The following RETREG2 variants were observed in gnomAD, a reference collection of about 807,000 sequenced individuals.
The protein encoded by RETREG2 is reticulophagy regulator 2.
In RETREG2, 21 loss-of-function variants were observed where a neutral mutation model predicts 51.6. The ratio of observed to expected loss-of-function variants is 0.41; its 90% CI spans 0.29 to 0.59. The LOEUF is 0.59. RETREG2 is among the 20% of genes least tolerant of loss of function. The probability of loss-of-function intolerance (pLI) is 0.34; values close to 1 mark genes in which losing one functional copy is unlikely to be tolerated. For missense variants in RETREG2, 674 were observed against 646.0 expected (o/e 1.04, Z -0.47); for synonymous variants, 339 against 288.6 (o/e 1.17, Z -1.77).
Position 219,182,580 on chromosome 2 carries a change from A to T in RETREG2, c.1583A>T (p.His528Leu). 1 of 1,614,180 alleles carries T rather than the reference A, an allele frequency of 6.2e-7. No individual in the cohort carries two copies. The highest frequency in any genetic ancestry group is 8.5e-7 in the Non-Finnish European group (1 of 1,180,034). Residue 528 changes from histidine to leucine, a missense_variant, in exon 9 of 9, where the codon CAT becomes CTT. Transcript: ENST00000430297. The stretch of plus-strand genomic sequence containing the variant: ...GCTCCACCCCTGGGGCCCGACATCC[A>T]TTCTCTGGTACAGTCAGACCAAGAA... ...PDAPPLGPDIHSLVQSDQEAQ... is the reference protein window; with the variant it reads ...PDAPPLGPDILSLVQSDQEAQ...
chr2:219,182,374 C>T lies in RETREG2; in HGVS notation c.1377C>T (p.Asp459=), dbSNP rs369004071. The T allele has an allele frequency of 1.2e-6, 2 of 1,614,020 alleles. No homozygotes were observed. Among genetic ancestry groups the T allele is most frequent in the African/African-American group, 2.7e-5 (2 of 74,970 alleles). The change falls in exon 9 of 9, where the codon GAC becomes GAT. Residue 459 remains aspartate, a synonymous_variant. Coordinates refer to ENST00000430297, the MANE Select transcript of RETREG2 (RefSeq NM_024293.6). ...CTCCACTTTGCCTTGTTGGAAGTGACCCAGCCCCCTCCCCTTCCATTCTCC... is the reference window on the plus strand; with the variant it reads ...CTCCACTTTGCCTTGTTGGAAGTGATCCAGCCCCCTCCCCTTCCATTCTCC... The part of the protein sequence containing the change: ...LSPPLCLVGS[D]PAPSPSILPP...
At position 219,184,426 on chromosome 2, in the gene RETREG2, G is replaced by T. The variant is rs1291425155; in HGVS notation, c.*1797G>T. 2 of 152,100 alleles carry T rather than the reference G, an allele frequency of 1.3e-5. No individual in the cohort carries two copies. The highest frequency in any genetic ancestry group is 2.4e-5 in the African/African-American group (1 of 41,416). 9.4% of individuals were successfully genotyped at this position (152,100 alleles called of 1,614,324 possible). A position where few individuals can be genotyped will look rare whatever the true frequency, so the allele number is the denominator to read the frequency against. On this transcript the variant is annotated 3_prime_UTR_variant, in exon 9 of 9. Coordinates refer to ENST00000430297, the MANE Select transcript of RETREG2 (RefSeq NM_024293.6). ...TGGCTGTCTGCTGGAGGTACCATAT[G>T]GTAATGCTGCCTGTCTTTCTGAGGT...
chr2:219,179,661 CTA>C (rs1950247683), intron 2 of RETREG2, 70 bp from the exon 3 acceptor site: 1 of 1,460,082 alleles, frequency 6.8e-7, no homozygotes, highest in South Asian at 1.1e-5. Flanking sequence ...GGAGGGACAA[CTA>C]TTTCTGCCTT....
intron 5 of RETREG2, 152 bp downstream of exon 5, chr2:219,180,906 C>T (rs918532239): frequency 4.4e-6 from 6 of 1,350,892 alleles, no homozygotes; most frequent in Admixed American, 3.7e-5. Context: ...GGAAGACTTA[C>T]CTGGGGAGGA....
At position 219,178,925 on chromosome 2, in the gene RETREG2, G is replaced by A. The variant is rs1950232892; in HGVS notation, c.285G>A (p.Leu95=). The A allele has an allele frequency of 8.1e-6, 13 of 1,610,734 alleles. No homozygotes were observed. The highest frequency in any genetic ancestry group is 1.1e-5 in the Non-Finnish European group (13 of 1,177,422). ...TAAALNGLFW[L]LSSSSLRPFF... ...GAGGTGCCTGTCTCTCCCTAAGGTTGCTGTCTTCCTCGTCCCTCCGGCCCT... is the reference window on the plus strand; with the variant it reads ...GAGGTGCCTGTCTCTCCCTAAGGTTACTGTCTTCCTCGTCCCTCCGGCCCT... The change falls in exon 2 of 9, where the codon TTG becomes TTA. Residue 95 remains leucine (L), a synonymous_variant. Transcript: ENST00000430297.
At chr2:219,181,875 C>G in intron 8 of RETREG2, 100 bp downstream of exon 8, 1 of 1,559,526 alleles carries the variant, frequency 6.4e-7, no homozygotes, top group Non-Finnish European at 8.7e-7. Context: ...CTCTAATTCT[C>G]TCAGCTCCTA....
intron 2 of RETREG2, 88 bp from the exon 3 acceptor site, chr2:219,179,645 T>A: frequency 2.3e-6 from 3 of 1,294,918 alleles, no homozygotes; most frequent in Non-Finnish European, 3.4e-6. Context: ...GCTCTGGGGC[T>A]GCAGAGGAGG....
intron 1 of RETREG2, 141 bp from the exon 2 acceptor site, chr2:219,178,781 T>C: frequency 8.5e-7 from 1 of 1,172,904 alleles, no homozygotes; most frequent in Non-Finnish European, 1.2e-6. Context: ...AATTGCCCAT[T>C]TTTTTCTATC....
In RETREG2 at chr2:219,182,721, G is replaced by A. The variant is rs1950300928; in HGVS notation, c.*92G>A. ...CCTTTGCCTACCACTCTGGGGTGGG[G>A]CAGTGTGTGGGGAAGCTGGCTGTCG... On this transcript the variant is annotated 3_prime_UTR_variant, in exon 9 of 9. Coordinates refer to ENST00000430297, the MANE Select transcript of RETREG2 (RefSeq NM_024293.6). 4.1e-6 allele frequency: 6 copies of A among 1,475,732 alleles called. No individual in the cohort carries two copies. The highest frequency in any genetic ancestry group is 2.4e-4 in the Middle Eastern group (1 of 4,106). The allele number at this position is 1,475,732 out of a possible 1,614,324, so 91.4% of individuals were successfully genotyped here.
Position 219,182,423 on chromosome 2 carries a change from C to G in RETREG2, c.1426C>G (p.Gln476Glu). 6.2e-7 allele frequency: 1 copy of G among 1,614,158 alleles called. No homozygotes were observed. The highest frequency in any genetic ancestry group is 8.5e-7 in the Non-Finnish European group (1 of 1,180,014). ...CCCACCTGTTCCCCAGGACTCACCCCAGCCCCTGCCTGCCCCTGAGGAAGA... is the reference window on the plus strand; with the variant it reads ...CCCACCTGTTCCCCAGGACTCACCCGAGCCCCTGCCTGCCCCTGAGGAAGA... ...ILPPVPQDSP[Q>E]PLPAPEEEEA... Residue 476 changes from glutamine to glutamate, a missense_variant, in exon 9 of 9, where the codon CAG (glutamine) becomes GAG (glutamate). Transcript: ENST00000430297.
intron 2 of RETREG2, 37 bp downstream of exon 2, chr2:219,179,065 A>G: frequency 2.1e-6 from 3 of 1,454,604 alleles, no homozygotes; most frequent in Non-Finnish European, 2.9e-6. Context: ...CCCATTGGGT[A>G]CTTGCTTGGT....
intron 5 of RETREG2, 107 bp from the exon 6 acceptor site, chr2:219,180,955 G>A (rs1950269878): frequency 6.6e-7 from 1 of 1,507,888 alleles, no homozygotes; most frequent in African/African-American, 1.4e-5. Context: ...GCACAGCCTT[G>A]GGAAAGGACC....
At position 219,181,413 on chromosome 2, in the gene RETREG2, G is replaced by A; in HGVS notation, c.829G>A (p.Ala277Thr). ...ACCCCCAGGAGGTGATGAGCCACTG[G>A]CAGAGACAGAGAGTGAAAGCGAGGC... ...NAPPGGDEPL[A>T]ETESESEAEL... The change falls in exon 7 of 9, where the codon GCA (alanine) becomes ACA (threonine). Residue 277 changes from alanine (A) to threonine (T), a missense_variant. Transcript: ENST00000430297. 1.2e-6 allele frequency: 2 copies of A among 1,614,112 alleles called. No individual in the cohort carries two copies. Among genetic ancestry groups the A allele is most frequent in the Non-Finnish European group, 1.7e-6 (2 of 1,180,016 alleles).
At position 219,184,481 on chromosome 2, in the gene RETREG2, T is replaced by G. The variant is rs1950323342; in HGVS notation, c.*1852T>G. ...TTTTATGCCATGTCTTTCCTAAGTG[T>G]GTAAGAATTTTTCTGTTTGCTTCAC... On this transcript the variant is annotated 3_prime_UTR_variant, in exon 9 of 9. Coordinates refer to ENST00000430297, the MANE Select transcript of RETREG2 (RefSeq NM_024293.6). The G allele has an allele frequency of 6.6e-6, 1 of 152,148 alleles. No homozygotes were observed. Among genetic ancestry groups the G allele is most frequent in the Admixed American group, 6.5e-5 (1 of 15,268 alleles). The allele number at this position is 152,148 out of a possible 1,614,324, so 9.4% of individuals were successfully genotyped here.
Position 219,182,125 on chromosome 2 carries a change from A to G in RETREG2, c.1128A>G (p.Gln376=). The G allele has an allele frequency of 6.2e-7, 1 of 1,614,164 alleles. No homozygotes were observed. Among genetic ancestry groups the G allele is most frequent in the Non-Finnish European group, 8.5e-7 (1 of 1,180,026 alleles). The part of the protein sequence containing the change: ...APPEDLLGRP[Q]ALSRQALDSE... ...CCGAAGACCTACTAGGCCGTCCTCA[A>G]GCTCTGTCAAGGCAAGCCCTGGACT... is the stretch of plus-strand genomic sequence containing the variant. Residue 376 remains glutamine (Q), a synonymous_variant, in exon 9 of 9, where the codon CAA becomes CAG. Transcript: ENST00000430297.
intron 5 of RETREG2, 116 bp downstream of exon 5, chr2:219,180,870 AG>A: frequency 1.5e-6 from 2 of 1,372,514 alleles, no homozygotes; most frequent in Non-Finnish European, 2.0e-6. Context: ...GGAGATCTCC[AG>A]GGATGCTTTA....
At position 219,178,279 on chromosome 2, in the gene RETREG2, C is replaced by A. The variant is rs1339776972; in HGVS notation, c.-74C>A. 3 of 359,284 alleles carry A rather than the reference C, an allele frequency of 8.3e-6. No homozygotes were observed. The highest frequency in any genetic ancestry group is 4.2e-5 in the East Asian group (1 of 24,066). 22.3% of individuals were successfully genotyped at this position (359,284 alleles called of 1,614,324 possible). On this transcript the variant is annotated 5_prime_UTR_variant, in exon 1 of 9. Coordinates refer to ENST00000430297, the MANE Select transcript of RETREG2 (RefSeq NM_024293.6). ...TGCTGTCCTCCGCGGCGCCCCCTTC[C>A]GCCTGACGCGCCCCCGGCGGCGGCC...
In RETREG2 at chr2:219,182,515, G is replaced by C. The variant is rs1950296886; in HGVS notation, c.1518G>C (p.Glu506Asp). The change falls in exon 9 of 9, where the codon GAG becomes GAC. Residue 506 changes from glutamate (E) to aspartate (D), a missense_variant. By Grantham distance (45) the Glu-to-Asp change is conservative. Coordinates refer to ENST00000430297, the MANE Select transcript of RETREG2 (RefSeq NM_024293.6). ...GGGAGCTGGAGCAGCTGAATGCAGA[G>C]CTGGGCTTGGAGCCAGAGACACCGC... Reference protein sequence around the residue: ...DQGELEQLNAELGLEPETPPK... With the variant: ...DQGELEQLNADLGLEPETPPK... 1 of 1,614,042 alleles carries C rather than the reference G, an allele frequency of 6.2e-7. No homozygotes were observed. The highest frequency in any genetic ancestry group is 1.1e-5 in the South Asian group (1 of 91,084).
chr2:219,182,728 G>A lies in RETREG2; in HGVS notation c.*99G>A, dbSNP rs1950301003. 17 of 1,445,806 alleles carry A rather than the reference G, an allele frequency of 1.2e-5. No individual in the cohort carries two copies. Among genetic ancestry groups the A allele is most frequent in the Non-Finnish European group, 1.6e-5 (17 of 1,069,466 alleles). The allele number at this position is 1,445,806 out of a possible 1,614,324, so 89.6% of individuals were successfully genotyped here. A position where few individuals can be genotyped will look rare whatever the true frequency, so the allele number is the denominator to read the frequency against. On this transcript the variant is annotated 3_prime_UTR_variant, in exon 9 of 9. Coordinates refer to ENST00000430297, the MANE Select transcript of RETREG2 (RefSeq NM_024293.6). The stretch of plus-strand genomic sequence containing the variant: ...CTACCACTCTGGGGTGGGGCAGTGT[G>A]TGGGGAAGCTGGCTGTCGGATGGTA...
Sources: gnomAD v4.1 joint callset for allele counts on GRCh38, gnomAD v4.1.1 for gene constraint, MANE v1.5 for transcripts, NCBI Gene and HGNC (gene_info 2026-07-23, HGNC 2026-07-21) for gene names.